The following PRKG1 variants were observed in gnomAD, a reference collection of about 807,000 sequenced individuals.
The protein encoded by PRKG1 is protein kinase cGMP-dependent 1, also known as cGMP-dependent protein kinase 1.
In PRKG1, 35 loss-of-function variants were observed where a neutral mutation model predicts 88.1. That is an observed-to-expected ratio of 0.40 (90% CI 0.30 to 0.53). The LOEUF is 0.53. Ranked by LOEUF, PRKG1 falls within the 20% of genes least tolerant of loss-of-function variation. PRKG1 has a pLI of 0.59. For synonymous variants in PRKG1, 303 were observed against 292.5 expected, an observed-to-expected ratio of 1.04 and a Z score of -0.37; for missense variants, 540 against 839.8, an observed-to-expected ratio of 0.64 and a Z score of 4.41.
chr10:52,127,008 G>A (rs1251593992), intron 7 of PRKG1, among the ~76,000 whole-genome samples: 1 of 152,110 alleles, frequency 6.6e-6, no homozygotes, highest in Non-Finnish European at 1.5e-5. Flanking sequence ...GTGAGATAAG[G>A]ATTAGAAGGG....
intron 3 of PRKG1, among the ~76,000 whole-genome samples, chr10:51,539,151 T>C (rs1388349840): frequency 6.6e-6 from 1 of 152,156 alleles, no homozygotes; most frequent in Admixed American, 6.5e-5. Flanking sequence ...TCAAATGATT[T>C]TGCCTTTTTG....
chr10:51,182,534 G>A (rs1246121152), intron 2 of PRKG1, among the ~76,000 whole-genome samples: 4 of 152,108 alleles, frequency 2.6e-5, no homozygotes, highest in African/African-American at 9.7e-5. Context: ...CTGGTCTGGG[G>A]CTTACTACTG....
intron 2 of PRKG1, among the ~76,000 whole-genome samples, chr10:51,390,963 C>T (rs568276260): frequency 2.6e-5 from 4 of 152,224 alleles, no homozygotes; most frequent in Non-Finnish European, 4.4e-5. Flanking sequence ...AAAAACCCTG[C>T]GCAAAGATAA....
In PRKG1 at chr10:51,650,084, T is replaced by C. The variant is rs1840003579; in HGVS notation, c.593-154501T>C. On this transcript the variant is annotated intron_variant, in intron 3 of 17. Coordinates refer to ENST00000373980, the MANE Select transcript of PRKG1 (RefSeq NM_006258.4). The stretch of plus-strand genomic sequence containing the variant: ...AGCCTCTGGGTTAAGGCTTTTTCTT[T>C]AGTGAACTGGAATAGACCAACAACT... Among the ~76,000 whole-genome samples the C allele has an allele frequency of 2.0e-5, 3 of 152,128 alleles. No homozygotes were observed. The South Asian group carries it at 6.2e-4, about 31-fold the overall frequency.
At chr10:51,683,628 G>A (rs1386017742) in intron 3 of PRKG1, among the ~76,000 whole-genome samples, 5 of 152,152 alleles carry the variant, frequency 3.3e-5, no homozygotes, top group African/African-American at 1.2e-4. Context: ...AGCTGATGTT[G>A]AGGGCATGAT....
intron 7 of PRKG1, among the ~76,000 whole-genome samples, chr10:52,105,267 T>G (rs1260346012): frequency 6.6e-6 from 1 of 152,100 alleles, no homozygotes; most frequent in Non-Finnish European, 1.5e-5. Context: ...GAAGCAGAAA[T>G]TATATGATGT....
At chr10:51,181,404 G>T (rs1020734148) in intron 2 of PRKG1, among the ~76,000 whole-genome samples, 19 of 150,062 alleles carry the variant, frequency 1.3e-4, no homozygotes, top group African/African-American at 4.2e-4. Flanking sequence ...ACCGCGCCCG[G>T]CTAATTTTTT....
At chr10:51,284,175 A>G (rs1469324137) in intron 2 of PRKG1, among the ~76,000 whole-genome samples, 1 of 152,242 alleles carries the variant, frequency 6.6e-6, no homozygotes, top group Non-Finnish European at 1.5e-5. Context: ...GCTACAAAAT[A>G]AAATCCGGTG....
At chr10:51,001,017 G>A (rs1302029793) in intron 1 of PRKG1, among the ~76,000 whole-genome samples, 1 of 152,188 alleles carries the variant, frequency 6.6e-6, no homozygotes, top group East Asian at 1.9e-4. Flanking sequence ...GGAGATGGTG[G>A]TTTTCATGAA....
intron 3 of PRKG1, among the ~76,000 whole-genome samples, chr10:51,788,157 A>G (rs991257771): frequency 6.6e-6 from 1 of 152,168 alleles, no homozygotes; most frequent in Non-Finnish European, 1.5e-5. Context: ...TTCCTATGGA[A>G]GATACCAGTG....
intron 2 of PRKG1, among the ~76,000 whole-genome samples, chr10:51,172,632 GTATGTATGTATGTATGTATCTATCTATC>G (rs1364667324): frequency 4.5e-4 from 27 of 60,038 alleles, no homozygotes; most frequent in African/African-American, 1.1e-3. Flanking sequence ...ATGTATGTAT[GTATGTATGTATGTATGTATCTATCTATC>G]TATCTATCTA....
chr10:51,531,056 A>G (rs1012910127), intron 3 of PRKG1, among the ~76,000 whole-genome samples: 4 of 152,200 alleles, frequency 2.6e-5, no homozygotes, highest in African/African-American at 9.6e-5. Context: ...CAAAGAGGAG[A>G]AAAACATAGG....
chr10:51,331,090 C>G (rs967417269), intron 2 of PRKG1, among the ~76,000 whole-genome samples: 2 of 152,116 alleles, frequency 1.3e-5, no homozygotes, highest in African/African-American at 4.8e-5. Context: ...GCCTGTGGCT[C>G]TCTGTCGTAG....
chr10:51,261,274 G>A lies in PRKG1; in HGVS notation c.478+107944G>A, dbSNP rs572273762. Among the ~76,000 whole-genome samples, 33 of 152,224 alleles carry A rather than the reference G, an allele frequency of 2.2e-4. No individual in the cohort carries two copies. The South Asian group carries it at 3.5e-3, about 16-fold the overall frequency. ...CTTTTGTTACATTTGGAAAATTTTG[G>A]ATTGCAACACTTCTAGATTCAGAGA... On this transcript the variant is annotated intron_variant, in intron 2 of 17. Coordinates refer to ENST00000373980, the MANE Select transcript of PRKG1 (RefSeq NM_006258.4).
At chr10:52,280,720 A>C (rs1841986040) in intron 12 of PRKG1, 69 bp from the exon 13 acceptor site, 2 of 1,521,938 alleles carry the variant, frequency 1.3e-6, no homozygotes, top group Middle Eastern at 1.7e-4. Flanking sequence ...TGAAATGAGA[A>C]AAAAAAAATA....
chr10:51,504,332 C>G (rs750638444), intron 3 of PRKG1, among the ~76,000 whole-genome samples: 10 of 152,044 alleles, frequency 6.6e-5, no homozygotes, highest in Admixed American at 2.6e-4. Flanking sequence ...TGGTATATAT[C>G]TCTGTTTTGG....
At chr10:51,253,463 C>A (rs1839477497) in intron 2 of PRKG1, among the ~76,000 whole-genome samples, 2 of 151,872 alleles carry the variant, frequency 1.3e-5, no homozygotes, top group African/African-American at 4.8e-5. Context: ...CAATAGACAT[C>A]CCCTTCTACC....
chr10:51,730,508 C>T (rs1842246972), intron 3 of PRKG1, among the ~76,000 whole-genome samples: 1 of 152,090 alleles, frequency 6.6e-6, no homozygotes, highest in Non-Finnish European at 1.5e-5. Flanking sequence ...TCTTTTCCCC[C>T]CTGGCTTGCT....
intron 4 of PRKG1, among the ~76,000 whole-genome samples, chr10:51,850,485 A>T (rs1840521149): frequency 6.6e-6 from 1 of 151,068 alleles, no homozygotes. Context: ...CCCATGTTGC[A>T]ATTTTATATA....
Sources: gnomAD v4.1 joint callset for allele counts (sites outside exome capture counted in the v4.1 genomes callset) on GRCh38, gnomAD v4.1.1 for gene constraint, MANE v1.5 for transcripts, NCBI Gene and HGNC (gene_info 2026-07-23, HGNC 2026-07-21) for gene names.